OCA2: variants seen among roughly 807,000 people sequenced by gnomAD.
The protein encoded by OCA2 is P protein.
Under a neutral mutation model 100.2 loss-of-function variants are expected in OCA2, and 77 were observed. The observed-to-expected ratio is 0.77, with a 90% CI of 0.64 to 0.93. OCA2 has a LOEUF of 0.93. Among genes scored for constraint, OCA2 ranks in the 40% least tolerant of loss-of-function variants. The pLI, the probability that OCA2 is intolerant of heterozygous loss-of-function variation, is 0.00. For missense variants in OCA2, 1,062 were observed against 1,089.1 expected, an observed-to-expected ratio of 0.98 and a Z score of 0.35; for synonymous variants, 432 against 439.2, an observed-to-expected ratio of 0.98 and a Z score of 0.21.
At chr15:27,772,041 G>A (rs970986166) in intron 23 of OCA2, among the ~76,000 whole-genome samples, 2 of 152,156 alleles carry the variant, frequency 1.3e-5, no homozygotes, top group African/African-American at 2.4e-5. Context: ...AAGGCCTGCC[G>A]TGAACTCTGA....
intron 23 of OCA2, among the ~76,000 whole-genome samples, chr15:27,838,941 G>C (rs1183350742): frequency 3.3e-5 from 5 of 152,128 alleles, no homozygotes; most frequent in Non-Finnish European, 7.3e-5. Context: ...CCAATGGTGA[G>C]CATCCAATAA....
chr15:27,738,607 C>T, the OCA2 span, among the ~76,000 whole-genome samples: 129,230 of 151,762 alleles, frequency 0.85, 55,167 homozygotes, highest in Non-Finnish European at 0.88. Flanking sequence ...TGGTGGTGGG[C>T]GCCTGTAGTC....
At chr15:27,894,164 G>A (rs371254385) in intron 19 of OCA2, among the ~76,000 whole-genome samples, 9 of 152,234 alleles carry the variant, frequency 5.9e-5, no homozygotes, top group Non-Finnish European at 8.8e-5. Context: ...AAGAACCTAC[G>A]TTGAAATATT....
Position 27,844,943 on chromosome 15 carries a change from G to C in OCA2, c.2432+16C>G, listed in dbSNP as rs1403389638. 1.3e-6 allele frequency: 2 copies of C among 1,555,564 alleles called. No homozygotes were observed. The highest frequency in any genetic ancestry group is 1.7e-4 in the Middle Eastern group (1 of 5,948). On this transcript the variant is annotated intron_variant, in intron 23 of 23. Coordinates refer to ENST00000354638, the MANE Select transcript of OCA2 (RefSeq NM_000275.3). ...TAGACAGTTTAACAGAAAATTTAAA[G>C]GGAATTTAAAAGTACCTGAAAAATT...
intron 2 of OCA2, among the ~76,000 whole-genome samples, chr15:28,075,012 A>G (rs2044388628): frequency 1.3e-5 from 2 of 152,242 alleles, no homozygotes; most frequent in South Asian, 4.1e-4. Flanking sequence ...ATATGCAAAA[A>G]TTCACTCAAA....
chr15:27,986,737 C>T, intron 11 of OCA2, 94 bp from the exon 12 acceptor site: 1 of 839,236 alleles, frequency 1.2e-6, no homozygotes, highest in Admixed American at 1.7e-5. Context: ...GAGCTCTGGC[C>T]TCTGAAAGCC....
intron 15 of OCA2, among the ~76,000 whole-genome samples, chr15:27,965,755 C>G (rs1250326615): frequency 1.3e-5 from 2 of 152,200 alleles, no homozygotes; most frequent in Non-Finnish European, 2.9e-5. Flanking sequence ...CCCCTGTTAC[C>G]CAGGCAACCT....
chr15:27,782,267 A>G (rs1222313535), intron 23 of OCA2, among the ~76,000 whole-genome samples: 2 of 152,212 alleles, frequency 1.3e-5, no homozygotes, highest in African/African-American at 4.8e-5. Context: ...GCAACCTCAA[A>G]TGAAATGCAA....
At chr15:28,076,644 G>A (rs997593271) in intron 2 of OCA2, among the ~76,000 whole-genome samples, 1 of 151,208 alleles carries the variant, frequency 6.6e-6, no homozygotes, top group African/African-American at 2.4e-5. Flanking sequence ...TCAGGAGATC[G>A]AGACCATCCT....
chr15:27,835,588 C>A (rs1374226161), intron 23 of OCA2, among the ~76,000 whole-genome samples: 2 of 152,200 alleles, frequency 1.3e-5, no homozygotes, highest in African/African-American at 2.4e-5. Context: ...CTTTAAGTCC[C>A]TGCATTTTGG....
chr15:27,929,609 T>C (rs1019431743), intron 18 of OCA2, among the ~76,000 whole-genome samples: 1 of 151,962 alleles, frequency 6.6e-6, no homozygotes, highest in Non-Finnish European at 1.5e-5. Flanking sequence ...AAAAACATAA[T>C]ATATGAAAAG....
At chr15:27,784,114 G>A (rs905867848) in intron 23 of OCA2, among the ~76,000 whole-genome samples, 4 of 152,230 alleles carry the variant, frequency 2.6e-5, no homozygotes, top group Non-Finnish European at 5.9e-5. Context: ...AGTGTCCAGC[G>A]ACAAGTAACA....
At chr15:28,084,396 C>T (rs2044738087) in intron 1 of OCA2, among the ~76,000 whole-genome samples, 1 of 152,224 alleles carries the variant, frequency 6.6e-6, no homozygotes, top group African/African-American at 2.4e-5. Context: ...AGACCTCACT[C>T]CCCTCTTTCC....
intron 19 of OCA2, among the ~76,000 whole-genome samples, chr15:27,908,793 A>G (rs1198372539): frequency 6.6e-6 from 1 of 152,208 alleles, no homozygotes; most frequent in East Asian, 1.9e-4. Context: ...TGACACATAA[A>G]CATCCTCTGC....
intron 2 of OCA2, among the ~76,000 whole-genome samples, chr15:28,074,778 C>T (rs1451759089): frequency 6.6e-6 from 1 of 151,700 alleles, no homozygotes; most frequent in East Asian, 1.9e-4. Context: ...ACCCAGAAGG[C>T]AGAGGTTGCA....
chr15:28,066,089 G>A (rs2044014880), intron 2 of OCA2, among the ~76,000 whole-genome samples: 2 of 152,102 alleles, frequency 1.3e-5, no homozygotes, highest in Non-Finnish European at 2.9e-5. Flanking sequence ...CAAGATCAAT[G>A]TACAAAAATC....
Position 27,985,129 on chromosome 15 carries a change from C to T in OCA2, c.1299G>A (p.Ala433=), listed in dbSNP as rs756397038. Residue 433 remains alanine, a synonymous_variant, in exon 13 of 24, where the codon GCG becomes GCA. Transcript: ENST00000354638. ...WAMIIMLCLI[A]AVLSAFLDNV... ...TGTCCAAGAAGGCAGAGAGGACGGCCGCGATGAGACAGAGCATGATGATCA... is the reference window on the plus strand; with the variant it reads ...TGTCCAAGAAGGCAGAGAGGACGGCTGCGATGAGACAGAGCATGATGATCA... 2.5e-5 allele frequency: 41 copies of T among 1,613,838 alleles called. No individual in the cohort carries two copies. Among genetic ancestry groups the T allele is most frequent in the Admixed American group, 3.3e-5 (2 of 59,996 alleles).
chr15:27,795,210 T>C (rs949583739), intron 23 of OCA2, among the ~76,000 whole-genome samples: 1 of 152,204 alleles, frequency 6.6e-6, no homozygotes, highest in East Asian at 1.9e-4. Flanking sequence ...GCGTCTGTGC[T>C]CCAACCCGTA....
At chr15:27,899,689 A>T (rs2037845092) in intron 19 of OCA2, among the ~76,000 whole-genome samples, 1 of 152,192 alleles carries the variant, frequency 6.6e-6, no homozygotes, top group South Asian at 2.1e-4. Flanking sequence ...ATTACCCAGA[A>T]GCAGCTGACT....
Sources: gnomAD v4.1 joint callset for allele counts (sites outside exome capture counted in the v4.1 genomes callset) on GRCh38, gnomAD v4.1.1 for gene constraint, MANE v1.5 for transcripts, NCBI Gene and HGNC (gene_info 2026-07-23, HGNC 2026-07-21) for gene names.